The following KIAA1549 variants were observed in gnomAD, a reference collection of about 807,000 sequenced individuals.
KIAA1549 encodes the protein UPF0606 protein KIAA1549.
KIAA1549 carries 70 observed loss-of-function variants against 156.4 expected under a neutral mutation model. The observed-to-expected ratio is 0.45, with a 90% CI of 0.37 to 0.55. The LOEUF is 0.55. Ranked by LOEUF, KIAA1549 falls within the 20% of genes least tolerant of loss-of-function variation. KIAA1549 has a pLI of 0.00. For missense variants in KIAA1549, 2,428 were observed against 2,540.9 expected (o/e 0.96, Z 0.96); for synonymous variants, 1,103 against 1,066.4 (o/e 1.03, Z -0.67).
intron 1 of KIAA1549, among the ~76,000 whole-genome samples, chr7:138,957,941 G>T (rs1029986101): frequency 6.6e-6 from 1 of 152,140 alleles, no homozygotes; most frequent in East Asian, 1.9e-4. Flanking sequence ...ATACTCATGA[G>T]TCAGTGTGTC....
At chr7:138,926,006 A>C (rs1812707247) in intron 1 of KIAA1549, among the ~76,000 whole-genome samples, 1 of 152,162 alleles carries the variant, frequency 6.6e-6, no homozygotes, top group Admixed American at 6.5e-5. Flanking sequence ...ACGCTGGGAA[A>C]ATACCTCCTC....
At position 138,918,555 on chromosome 7, in the gene KIAA1549, T is replaced by C; in HGVS notation, c.1071A>G (p.Thr357=). Residue 357 remains threonine (T), a synonymous_variant, in exon 2 of 20, where the codon ACA becomes ACG. Transcript: ENST00000422774. The surrounding 1 kb of genome is among the most constrained non-coding windows in gnomAD (Gnocchi z 4.2). The stretch of plus-strand genomic sequence containing the variant: ...GAGGAGTTGAAAGCAATGGAGAATG[T>C]GTCCTGCTGAATGCAAGGGCTGCGT... ...ASHAALAFSR[T]HSPLLSTPLA... 1.2e-6 allele frequency: 2 copies of C among 1,614,046 alleles called. No homozygotes were observed. Among genetic ancestry groups the C allele is most frequent in the African/African-American group, 1.3e-5 (1 of 75,058 alleles).
intron 1 of KIAA1549, among the ~76,000 whole-genome samples, chr7:138,922,891 C>T (rs909557294): frequency 1.3e-5 from 2 of 151,444 alleles, no homozygotes; most frequent in South Asian, 4.2e-4. Context: ...TAAGAATTTG[C>T]CAAAATTAAT....
intron 16 of KIAA1549, among the ~76,000 whole-genome samples, chr7:138,854,056 C>A (rs1366101035): frequency 6.6e-6 from 1 of 151,968 alleles, no homozygotes; most frequent in African/African-American, 2.4e-5. Flanking sequence ...GGACTACATG[C>A]CCTGATGAAA....
intron 17 of KIAA1549, among the ~76,000 whole-genome samples, chr7:138,849,425 C>T (rs145316767): frequency 7.6e-4 from 115 of 152,146 alleles, no homozygotes; most frequent in African/African-American, 2.8e-3. Flanking sequence ...CTGCACCTCA[C>T]AACATTTGAC....
At chr7:138,978,380 C>T (rs981051848) in intron 1 of KIAA1549, among the ~76,000 whole-genome samples, 7 of 152,152 alleles carry the variant, frequency 4.6e-5, no homozygotes, top group African/African-American at 7.2e-5. Flanking sequence ...TGTTTTTATA[C>T]TGTGGATGGC....
At chr7:138,859,205 ATC>A (rs958564415) in intron 16 of KIAA1549, among the ~76,000 whole-genome samples, 17 of 152,120 alleles carry the variant, frequency 1.1e-4, no homozygotes, top group Non-Finnish European at 1.9e-4. Context: ...CCAGAGAGAG[ATC>A]TCTGGAGTCT....
intron 16 of KIAA1549, among the ~76,000 whole-genome samples, chr7:138,859,008 A>C (rs973603236): frequency 1.5e-4 from 22 of 142,358 alleles, no homozygotes; most frequent in African/African-American, 4.4e-4. Context: ...TCCATCTCAA[A>C]ACACACACAC....
intron 1 of KIAA1549, among the ~76,000 whole-genome samples, chr7:138,933,035 A>G (rs1455970423): frequency 2.6e-5 from 4 of 152,334 alleles, no homozygotes; most frequent in East Asian, 1.9e-4. Flanking sequence ...GCTGTGCTGA[A>G]TGACTCCGAG....
intron 1 of KIAA1549, among the ~76,000 whole-genome samples, chr7:138,936,717 G>A: frequency 6.6e-6 from 1 of 151,986 alleles, no homozygotes; most frequent in Non-Finnish European, 1.5e-5. Flanking sequence ...GAGAACTAGA[G>A]ATGTGTGACC....
chr7:138,963,787 G>A lies in KIAA1549; in HGVS notation c.187+17296C>T, dbSNP rs769559884. Among the ~76,000 whole-genome samples the A allele has an allele frequency of 5.3e-5, 8 of 152,132 alleles. No homozygotes were observed. The East Asian group carries it at 5.8e-4, about 11-fold the overall frequency. ...AGTGGTATACACTAACTTAATTAAC[G>A]GAGGAGATGTATGACAACCACACAC... On this transcript the variant is annotated intron_variant, in intron 1 of 19. Coordinates refer to ENST00000422774, the MANE Select transcript of KIAA1549 (RefSeq NM_001164665.2).
At chr7:138,952,423 G>A (rs1813529514) in intron 1 of KIAA1549, among the ~76,000 whole-genome samples, 1 of 152,188 alleles carries the variant, frequency 6.6e-6, no homozygotes, top group Non-Finnish European at 1.5e-5. Flanking sequence ...ATGAGTTTGA[G>A]AGCACAGACA....
chr7:138,875,899 G>A (rs1484212691), intron 12 of KIAA1549, among the ~76,000 whole-genome samples: 7 of 151,262 alleles, frequency 4.6e-5, no homozygotes, highest in African/African-American at 1.7e-4. Flanking sequence ...AGGCTCAAGC[G>A]ATCCTCCCAC....
intron 3 of KIAA1549, 84 bp downstream of exon 3, chr7:138,912,287 GC>G (rs1366029022): frequency 1.1e-6 from 1 of 911,442 alleles, no homozygotes; most frequent in Non-Finnish European, 1.8e-6. Context: ...TGATTCCATG[GC>G]CATAATCACC....
intron 1 of KIAA1549, among the ~76,000 whole-genome samples, chr7:138,939,704 T>C (rs1480727529): frequency 2.6e-5 from 4 of 152,176 alleles, no homozygotes; most frequent in African/African-American, 9.7e-5. Context: ...GATACTAAAA[T>C]TTATCAAGGG....
chr7:138,873,158 C>G (rs574424951), intron 12 of KIAA1549, among the ~76,000 whole-genome samples: 1 of 152,318 alleles, frequency 6.6e-6, no homozygotes, highest in East Asian at 1.9e-4. Context: ...AAGGAAAGCA[C>G]AGCATTGCTA....
At chr7:138,867,843 T>G in intron 15 of KIAA1549, 132 bp downstream of exon 15, 11 of 965,840 alleles carry the variant, frequency 1.1e-5, no homozygotes, top group Non-Finnish European at 1.7e-5. Context: ...CCCTGGTGCA[T>G]CAGCCATCAG....
chr7:138,836,930 G>C lies in KIAA1549; in HGVS notation c.*976C>G. ...AATTATTAAATAACTTCTGCTTACA[G>C]AAGATTTCTCATTCAGACATAATTT... On this transcript the variant is annotated 3_prime_UTR_variant, in exon 20 of 20. Coordinates refer to ENST00000422774, the MANE Select transcript of KIAA1549 (RefSeq NM_001164665.2). 4.4e-6 allele frequency: 1 copy of C among 226,412 alleles called. No individual in the cohort carries two copies. Among genetic ancestry groups the C allele is most frequent in the East Asian group, 6.4e-5 (1 of 15,548 alleles). The allele number at this position is 226,412 out of a possible 1,614,324, so 14.0% of individuals were successfully genotyped here. A position where few individuals can be genotyped will look rare whatever the true frequency, so the allele number is the denominator to read the frequency against.
Position 138,833,605 on chromosome 7 carries a change from A to T in KIAA1549, c.*4301T>A, listed in dbSNP as rs139588577. ...AATCAAAACACTATGAAATTAATAAAATTTGGAGAAAAATGTGTAGGTAGC... is the reference window on the plus strand; with the variant it reads ...AATCAAAACACTATGAAATTAATAATATTTGGAGAAAAATGTGTAGGTAGC... On this transcript the variant is annotated 3_prime_UTR_variant, in exon 20 of 20. Coordinates refer to ENST00000422774, the MANE Select transcript of KIAA1549 (RefSeq NM_001164665.2). 109 of 232,522 alleles carry T rather than the reference A, an allele frequency of 4.7e-4. No individual in the cohort carries two copies. Among genetic ancestry groups the T allele is most frequent in the African/African-American group, 2.2e-3 (99 of 45,424 alleles). The allele number at this position is 232,522 out of a possible 1,614,324, so 14.4% of individuals were successfully genotyped here.
Sources: gnomAD v4.1 joint callset for allele counts (sites outside exome capture counted in the v4.1 genomes callset) on GRCh38, gnomAD v4.1.1 for gene constraint, Gnocchi (gnomAD v3.1) non-coding constraint, MANE v1.5 for transcripts, NCBI Gene and HGNC (gene_info 2026-07-23, HGNC 2026-07-21) for gene names.